The following ITPR2 variants were observed in gnomAD, a reference collection of about 807,000 sequenced individuals.
ITPR2 encodes inositol 1,4,5-trisphosphate-gated calcium channel ITPR2.
A neutral mutation model predicts 317.1 loss-of-function variants in ITPR2; 207 were observed. The observed-to-expected ratio is 0.65, with a 90% confidence interval of 0.58 to 0.73. The LOEUF is 0.73. Among genes scored for constraint, ITPR2 ranks in the 30% least tolerant of loss-of-function variants. The pLI is 0.00. For missense variants in ITPR2, 2,613 were observed against 3,284.0 expected (o/e 0.80, Z 4.99); for synonymous variants, 1,156 against 1,149.1 (o/e 1.01, Z -0.12).
chr12:26,598,494 C>T (rs1024711697), intron 30 of ITPR2, among the ~76,000 whole-genome samples: 2 of 152,142 alleles, frequency 1.3e-5, no homozygotes, highest in African/African-American at 4.8e-5. Flanking sequence ...AATCAACGGG[C>T]TCTTTAAGCT....
chr12:26,824,676 T>G (rs987434716), intron 1 of ITPR2, among the ~76,000 whole-genome samples: 2 of 152,214 alleles, frequency 1.3e-5, no homozygotes, highest in African/African-American at 4.8e-5. Context: ...AGATGTTTAA[T>G]TTAAAACCAT....
chr12:26,352,102 T>C (rs904812990), intron 55 of ITPR2, among the ~76,000 whole-genome samples: 4 of 152,150 alleles, frequency 2.6e-5, no homozygotes, highest in African/African-American at 7.2e-5. Flanking sequence ...TGATGGAAGG[T>C]TGGGTCCAGT....
chr12:26,813,904 T>C (rs943466015), intron 1 of ITPR2, among the ~76,000 whole-genome samples: 1 of 152,134 alleles, frequency 6.6e-6, no homozygotes, highest in Admixed American at 6.5e-5. Flanking sequence ...AAAGGGGTGA[T>C]TTTATTTGGC....
At chr12:26,692,404 G>A (rs1001103954) in intron 10 of ITPR2, among the ~76,000 whole-genome samples, 17 of 152,096 alleles carry the variant, frequency 1.1e-4, no homozygotes, top group Admixed American at 6.5e-5. Context: ...GCCCAATATG[G>A]CCAGAAATTC....
chr12:26,530,989 T>C (rs1943928754), intron 37 of ITPR2, among the ~76,000 whole-genome samples: 1 of 152,232 alleles, frequency 6.6e-6, no homozygotes, highest in Non-Finnish European at 1.5e-5. Flanking sequence ...TGCTGAACTA[T>C]CAATATTTTT....
intron 54 of ITPR2, among the ~76,000 whole-genome samples, chr12:26,396,557 T>C (rs1270377973): frequency 6.6e-6 from 1 of 152,148 alleles, no homozygotes. Context: ...CTCCTCTTTC[T>C]CTCCTAAGTC....
At position 26,561,960 on chromosome 12, in the gene ITPR2, A is replaced by G. The variant is rs1220704994; in HGVS notation, c.4631-8T>C. The G allele has an allele frequency of 6.6e-7, 1 of 1,508,744 alleles. No homozygotes were observed. Among genetic ancestry groups the G allele is most frequent in the Non-Finnish European group, 8.8e-7 (1 of 1,135,192 alleles). 93.5% of individuals were successfully genotyped at this position (1,508,744 alleles called of 1,614,324 possible). A position where few individuals can be genotyped will look rare whatever the true frequency, so the allele number is the denominator to read the frequency against. ...CAATTCCACGATTTTTTGCTGAAAA[A>G]GAAAGATTTAAAATATTTCCCTCTT... is the stretch of plus-strand genomic sequence containing the variant. On this transcript the variant is annotated splice_polypyrimidine_tract_variant and splice_region_variant and intron_variant, in intron 34 of 56. Coordinates refer to ENST00000381340, the MANE Select transcript of ITPR2 (RefSeq NM_002223.4).
chr12:26,383,118 T>C (rs1939557773), intron 55 of ITPR2, among the ~76,000 whole-genome samples: 1 of 152,154 alleles, frequency 6.6e-6, no homozygotes, highest in Admixed American at 6.6e-5. Context: ...CTGGACTTAG[T>C]TGTTAAAGAC....
intron 34 of ITPR2, among the ~76,000 whole-genome samples, chr12:26,577,945 T>C (rs915471030): frequency 6.6e-6 from 1 of 152,228 alleles, no homozygotes; most frequent in East Asian, 1.9e-4. Context: ...AATGAGATAA[T>C]GCATGTAAAT....
At chr12:26,617,893 G>A (rs1337501112) in intron 26 of ITPR2, among the ~76,000 whole-genome samples, 1 of 152,098 alleles carries the variant, frequency 6.6e-6, no homozygotes, top group Non-Finnish European at 1.5e-5. Context: ...ACAGAATCTA[G>A]CAATGTAAAA....
At position 26,605,120 on chromosome 12, in the gene ITPR2, A is replaced by AAAATAT. The variant is rs1465336732; in HGVS notation, c.3463-2415_3463-2414insATATTT. On this transcript the variant is annotated intron_variant, in intron 26 of 56. Coordinates refer to ENST00000381340, the MANE Select transcript of ITPR2 (RefSeq NM_002223.4). ...AAAAAAATAAAAATAAAAAATAAAA[A>AAAATAT]ATAAAAATATATATATATATATGAG... Among the ~76,000 whole-genome samples, 687 of 104,220 alleles carry AAAATAT rather than the reference A, an allele frequency of 6.6e-3. 14 individuals carry two copies. Among genetic ancestry groups the AAAATAT allele is most frequent in the African/African-American group, 0.025 (632 of 25,524 alleles). 68.4% of individuals were successfully genotyped at this position (104,220 alleles called of 152,430 possible). A position where few individuals can be genotyped will look rare whatever the true frequency, so the allele number is the denominator to read the frequency against.
At chr12:26,391,636 C>T (rs1591985082) in intron 54 of ITPR2, among the ~76,000 whole-genome samples, 1 of 137,422 alleles carries the variant, frequency 7.3e-6, no homozygotes, top group East Asian at 2.2e-4. Context: ...GCGATCTCAG[C>T]TCACTGCAAC....
intron 5 of ITPR2, among the ~76,000 whole-genome samples, chr12:26,717,327 A>G (rs1238165292): frequency 3.9e-5 from 6 of 152,238 alleles, no homozygotes; most frequent in Non-Finnish European, 8.8e-5. Context: ...CATATTTTCA[A>G]TATCAGATAT....
chr12:26,785,053 A>G (rs1312783164), intron 2 of ITPR2, among the ~76,000 whole-genome samples: 1 of 22,770 alleles, frequency 4.4e-5, no homozygotes, highest in African/African-American at 1.1e-4. Context: ...GAAGTGAGGA[A>G]ACCCTCTGCC....
At chr12:26,626,216 C>T (rs536144940) in intron 23 of ITPR2, among the ~76,000 whole-genome samples, 2 of 152,322 alleles carry the variant, frequency 1.3e-5, no homozygotes, top group Middle Eastern at 3.4e-3. Flanking sequence ...CCGCCCCCTT[C>T]GGCCTCCCAA....
chr12:26,549,575 C>G (rs538867080), intron 37 of ITPR2, among the ~76,000 whole-genome samples: 2 of 151,976 alleles, frequency 1.3e-5, no homozygotes, highest in Non-Finnish European at 2.9e-5. Flanking sequence ...GTACAGACAG[C>G]TAGCTAAAAA....
chr12:26,666,107 G>GTA, intron 13 of ITPR2, 56 bp from the exon 14 acceptor site: 1 of 1,348,164 alleles, frequency 7.4e-7, no homozygotes, highest in Non-Finnish European at 1.0e-6. Flanking sequence ...TTTGGAAAAT[G>GTA]TATAGATAGA....
At chr12:26,757,671 A>C (rs1479623121) in intron 2 of ITPR2, among the ~76,000 whole-genome samples, 1 of 152,150 alleles carries the variant, frequency 6.6e-6, no homozygotes, top group Non-Finnish European at 1.5e-5. Flanking sequence ...AATTTGTGAT[A>C]GGTTTATCAG....
At chr12:26,691,207 T>C (rs1045237350) in intron 10 of ITPR2, among the ~76,000 whole-genome samples, 3 of 152,198 alleles carry the variant, frequency 2.0e-5, no homozygotes, top group Non-Finnish European at 4.4e-5. Context: ...CAATTTTTAA[T>C]GTATGATTCA....
Sources: gnomAD v4.1 joint callset for allele counts (sites outside exome capture counted in the v4.1 genomes callset) on GRCh38, gnomAD v4.1.1 for gene constraint, MANE v1.5 for transcripts, NCBI Gene and HGNC (gene_info 2026-07-23, HGNC 2026-07-21) for gene names.